Variants in DPF3 observed in about 807,000 individuals in gnomAD.
DPF3 encodes double PHD fingers 3.
DPF3 carries 18 observed loss-of-function variants against 56.8 expected under a neutral mutation model. The ratio of observed to expected loss-of-function variants is 0.32; its 90% CI spans 0.22 to 0.47. The LOEUF (loss-of-function observed/expected upper bound fraction) is 0.47. Among genes scored for constraint, DPF3 ranks in the 20% least tolerant of loss-of-function variants. DPF3 has a pLI of 1.00. For missense variants in DPF3, 403 were observed against 488.8 expected, an observed-to-expected ratio of 0.82 and a Z score of 1.65; for synonymous variants, 188 against 180.2, an observed-to-expected ratio of 1.04 and a Z score of -0.35.
chr14:72,640,991 T>C (rs912840287), intron 8 of DPF3, among the ~76,000 whole-genome samples: 6 of 150,272 alleles, frequency 4.0e-5, no homozygotes, highest in Non-Finnish European at 8.9e-5. Flanking sequence ...AAGAAGAGAG[T>C]CCACTGAGAA....
chr14:72,662,408 G>C (rs1254550871), intron 8 of DPF3: 2 of 984,958 alleles, frequency 2.0e-6, no homozygotes, highest in Non-Finnish European at 2.4e-6. Flanking sequence ...CAAAAATACT[G>C]TGCCATGTCA....
rs749667758 is a variant in DPF3, at chr14:72,894,072, T to C, written c.17A>G (p.His6Arg). The change falls in exon 1 of 11, where the codon CAC (histidine) becomes CGC (arginine). Residue 6 changes from histidine to arginine, a missense_variant. His to Arg is a conservative substitution (Grantham distance 29, BLOSUM62 0). Around this residue, in one of 2 missense-constraint regions of DPF3, gnomAD observed 340 missense variants for 374.3 expected, o/e 0.91. Transcript: ENST00000556509. MATVI[H>R]NPLKALGDQF... ...TCTTACTTACGCTTTCAGGGGGTTG[T>C]GAATGACAGTCGCCATTTTGCTACA... The C allele has an allele frequency of 6.2e-7, 1 of 1,609,024 alleles. No individual in the cohort carries two copies. Among genetic ancestry groups the C allele is most frequent in the East Asian group, 2.2e-5 (1 of 44,540 alleles).
In DPF3 at chr14:72,753,271, T is replaced by A. The variant is rs578136668; in HGVS notation, c.294A>T (p.Ile98=). ...GCTCCAGAGGGCACTGACCAGGTTT[T>A]ATCTCCAGCAGCCGCAGTTTTGGAT... ...PEDPKLRLLE[I]KPEVELPLKK... Residue 98 remains isoleucine, a synonymous_variant, in exon 3 of 11, where the codon ATA becomes ATT. Transcript: ENST00000556509. 1 of 1,613,672 alleles carries A rather than the reference T, an allele frequency of 6.2e-7. No homozygotes were observed. Among genetic ancestry groups the A allele is most frequent in the African/African-American group, 1.3e-5 (1 of 75,048 alleles).
At chr14:72,826,405 C>A (rs1224097290) in intron 1 of DPF3, among the ~76,000 whole-genome samples, 3 of 152,166 alleles carry the variant, frequency 2.0e-5, no homozygotes, top group African/African-American at 7.2e-5. Context: ...ATGGGGCAAC[C>A]TTCAGGGGTC....
intron 1 of DPF3, among the ~76,000 whole-genome samples, chr14:72,792,909 A>G (rs938279444): frequency 1.4e-5 from 2 of 140,970 alleles, no homozygotes; most frequent in Admixed American, 7.3e-5. Flanking sequence ...CAGAACTGAG[A>G]CCGTTCTTCA....
chr14:72,663,989 C>T (rs1322821539), intron 8 of DPF3, among the ~76,000 whole-genome samples: 1 of 152,094 alleles, frequency 6.6e-6, no homozygotes, highest in Non-Finnish European at 1.5e-5. Flanking sequence ...TGCTCCTGTT[C>T]CTTGCCTCTA....
chr14:72,766,109 T>C (rs1206967395), intron 2 of DPF3, among the ~76,000 whole-genome samples: 2 of 152,224 alleles, frequency 1.3e-5, no homozygotes, highest in African/African-American at 4.8e-5. Context: ...CACAGGTGAA[T>C]ATATGTCAAA....
chr14:72,729,309 G>A (rs752278713), intron 4 of DPF3, among the ~76,000 whole-genome samples: 15 of 152,228 alleles, frequency 9.9e-5, no homozygotes, highest in Non-Finnish European at 1.5e-4. Flanking sequence ...AGGTGAGGGT[G>A]AGAGACAAGT....
At chr14:72,815,569 A>T (rs1258128556) in intron 1 of DPF3, among the ~76,000 whole-genome samples, 1 of 152,256 alleles carries the variant, frequency 6.6e-6, no homozygotes, top group Non-Finnish European at 1.5e-5. Context: ...AAAACTTGGG[A>T]ACACCCAAGT....
chr14:72,738,383 C>G (rs1350315408), intron 3 of DPF3, among the ~76,000 whole-genome samples: 1 of 152,100 alleles, frequency 6.6e-6, no homozygotes, highest in African/African-American at 2.4e-5. Context: ...CTCATCCCTC[C>G]CCCATATGGC....
intron 6 of DPF3, 77 bp from the exon 7 acceptor site, chr14:72,693,290 A>T (rs1887775600): frequency 1.3e-6 from 2 of 1,500,362 alleles, no homozygotes; most frequent in Non-Finnish European, 1.8e-6. Flanking sequence ...ATTCTCCCAG[A>T]CAGTGATCCC....
At chr14:72,775,073 C>T (rs79340576) in intron 1 of DPF3, among the ~76,000 whole-genome samples, 10,549 of 152,058 alleles carry the variant, frequency 0.069, 570 homozygotes, top group Admixed American at 0.16. Flanking sequence ...CATACCACAT[C>T]GATAGAGAAC....
intron 1 of DPF3, among the ~76,000 whole-genome samples, chr14:72,863,839 G>C (rs964564359): frequency 3.3e-5 from 5 of 152,170 alleles, no homozygotes; most frequent in African/African-American, 1.2e-4. Flanking sequence ...TAAGCACTAG[G>C]GGCAGCTGTT....
intron 1 of DPF3, among the ~76,000 whole-genome samples, chr14:72,837,909 T>C (rs1408728093): frequency 6.6e-6 from 1 of 152,168 alleles, no homozygotes; most frequent in Non-Finnish European, 1.5e-5. Flanking sequence ...GAGTTGGCCA[T>C]GGACAGGTTT....
At chr14:72,652,892 GC>G (rs926687078) in intron 8 of DPF3, among the ~76,000 whole-genome samples, 8 of 152,316 alleles carry the variant, frequency 5.3e-5, no homozygotes, top group Admixed American at 5.2e-4. Flanking sequence ...TATAGATGAT[GC>G]AGAGGTGGGT....
intron 1 of DPF3, among the ~76,000 whole-genome samples, chr14:72,823,537 C>T (rs1189321605): frequency 6.6e-6 from 1 of 152,134 alleles, no homozygotes; most frequent in African/African-American, 2.4e-5. Context: ...AGGGGGAGCT[C>T]GCCCACTGTT....
intron 8 of DPF3, among the ~76,000 whole-genome samples, chr14:72,650,774 G>A (rs1003731348): frequency 6.6e-6 from 1 of 152,172 alleles, no homozygotes; most frequent in African/African-American, 2.4e-5. Context: ...GGTGAGCTAA[G>A]AGGACAAAGG....
chr14:72,617,976 A>G lies in DPF3; in HGVS notation c.*1321T>C, dbSNP rs541767082. On this transcript the variant is annotated 3_prime_UTR_variant, in exon 11 of 11. Transcript: ENST00000556509. ...TGCTGCTGCGATTCAAAGTCAGCCC[A>G]ATCCGCTCCAGCCCTCGGGGCTATC... 7.6e-4 allele frequency among the ~76,000 whole-genome samples: 116 copies of G among 152,082 alleles called. No individual in the cohort carries two copies. Among genetic ancestry groups the G allele is most frequent in the African/African-American group, 2.7e-3 (112 of 41,504 alleles).
chr14:72,717,654 G>A (rs912988233), intron 5 of DPF3, among the ~76,000 whole-genome samples: 22 of 152,186 alleles, frequency 1.4e-4, no homozygotes, highest in Non-Finnish European at 2.8e-4. Context: ...TTTGCATATA[G>A]TAACTCAGTT....
Sources: allele counts gnomAD v4.1 joint callset (sites outside exome capture counted in the v4.1 genomes callset), GRCh38; gene constraint gnomAD v4.1.1; regional missense constraint gnomAD v4.1.1; transcripts MANE v1.5; gene names NCBI Gene and HGNC (gene_info 2026-07-23, HGNC 2026-07-21).